Variants in CACNA1B observed in about 807,000 individuals in gnomAD.
CACNA1B encodes voltage-dependent N-type calcium channel subunit alpha-1B.
A neutral mutation model predicts 247.2 loss-of-function variants in CACNA1B; 70 were observed. The ratio of observed to expected loss-of-function variants is 0.28; its 90% CI spans 0.23 to 0.35. The LOEUF (loss-of-function observed/expected upper bound fraction) is 0.35. Among genes scored for constraint, CACNA1B ranks in the 10% least tolerant of loss-of-function variants. CACNA1B has a pLI of 1.00. For synonymous variants in CACNA1B, 1,231 were observed against 1,294.4 expected (o/e 0.95, Z 1.05); for missense variants, 2,367 against 3,197.4 (o/e 0.74, Z 6.26).
chr9:137,951,940 C>A (rs894583702), intron 6 of CACNA1B, among the ~76,000 whole-genome samples: 1 of 152,202 alleles, frequency 6.6e-6, no homozygotes, highest in Non-Finnish European at 1.5e-5. Context: ...GTTGGGTGCT[C>A]ATGCCACCTC....
intron 36 of CACNA1B, among the ~76,000 whole-genome samples, chr9:138,084,934 A>G: frequency 6.7e-6 from 1 of 149,892 alleles, no homozygotes; most frequent in South Asian, 2.1e-4. Context: ...CCTGGGTGAC[A>G]GAGCGAGACT....
At chr9:138,069,305 G>T (rs1216990539) in intron 31 of CACNA1B, among the ~76,000 whole-genome samples, 1 of 152,130 alleles carries the variant, frequency 6.6e-6, no homozygotes, top group African/African-American at 2.4e-5. Context: ...TTTAGCAAGG[G>T]CACCCAGAGA....
chr9:138,068,491 G>A (rs892596565), intron 31 of CACNA1B: 8 of 458,204 alleles, frequency 1.7e-5, no homozygotes, highest in Non-Finnish European at 2.6e-5. Flanking sequence ...CACTGGTGTT[G>A]TGTTTCCCAG....
intron 20 of CACNA1B, among the ~76,000 whole-genome samples, chr9:138,027,374 TATTA>T (rs1349138072): frequency 6.6e-6 from 1 of 152,218 alleles, no homozygotes; most frequent in African/African-American, 2.4e-5. Flanking sequence ...TCAAATTGTT[TATTA>T]GTTTCACTGA....
At position 138,059,129 on chromosome 9, in the gene CACNA1B, C is replaced by T. The variant is rs199889289; in HGVS notation, c.4524C>T (p.Ile1508=). Residue 1508 remains isoleucine (I), a synonymous_variant, in exon 30 of 47, where the codon ATC becomes ATT. Transcript: ENST00000371372. This position sits in a 1 kb window ranked among gnomAD's most constrained non-coding sequence, Gnocchi z 4.2. ...AGCTGATGCTGAAATGCCTGAACAT[C>T]GTGTTCACATCCATGTTCTCCATGG... ...EYELMLKCLN[I]VFTSMFSMEC... 84 of 1,612,846 alleles carry T rather than the reference C, an allele frequency of 5.2e-5. No homozygotes were observed. The highest frequency in any genetic ancestry group is 6.1e-5 in the Non-Finnish European group (72 of 1,179,046).
At chr9:138,063,735 G>C (rs1384542552) in intron 31 of CACNA1B, among the ~76,000 whole-genome samples, 1 of 152,194 alleles carries the variant, frequency 6.6e-6, no homozygotes, top group African/African-American at 2.4e-5. Flanking sequence ...TGGGTTATCT[G>C]GGGAGTAGTC....
intron 13 of CACNA1B, among the ~76,000 whole-genome samples, chr9:137,985,645 T>C (rs1229605422): frequency 6.6e-6 from 1 of 152,020 alleles, no homozygotes; most frequent in Non-Finnish European, 1.5e-5. Context: ...TGCCCAGGGA[T>C]AGAGTGAGCA....
rs1055985040 is a variant in CACNA1B at position 137,973,533 on chromosome 9, T to TG, written c.1543+1947dup. 1.3e-5 allele frequency among the ~76,000 whole-genome samples: 2 copies of TG among 152,278 alleles called. No individual in the cohort carries two copies. Among genetic ancestry groups the TG allele is most frequent in the African/African-American group, 4.8e-5 (2 of 41,554 alleles). Reference sequence around the variant, plus strand: ...CAGGACTTGCCATCCTGTGAGCCCCTGGGGGGCCTTATGCAGCTCACCAGA... The same window carrying TG: ...CAGGACTTGCCATCCTGTGAGCCCCTGGGGGGGCCTTATGCAGCTCACCAGA... On this transcript the variant is annotated intron_variant, in intron 11 of 46. Transcript: ENST00000371372. This position sits in a 1 kb window ranked among gnomAD's most constrained non-coding sequence, Gnocchi z 4.1.
chr9:138,031,081 T>G (rs1958982367), intron 20 of CACNA1B, among the ~76,000 whole-genome samples: 1 of 152,204 alleles, frequency 6.6e-6, no homozygotes, highest in Non-Finnish European at 1.5e-5. Flanking sequence ...TTCTTTCTGT[T>G]TGCTTTGGGC....
At chr9:138,094,505 A>G (rs1471729890) in intron 36 of CACNA1B, among the ~76,000 whole-genome samples, 1 of 151,820 alleles carries the variant, frequency 6.6e-6, no homozygotes. Flanking sequence ...CCAAATATAC[A>G]AGAGGAGGAA....
At chr9:137,938,380 T>C (rs1957694115) in intron 6 of CACNA1B, among the ~76,000 whole-genome samples, 1 of 152,114 alleles carries the variant, frequency 6.6e-6, no homozygotes. Flanking sequence ...AGGAAACAAG[T>C]AGTATGATGA....
At chr9:138,115,190 C>T (rs1017186882) in intron 41 of CACNA1B, among the ~76,000 whole-genome samples, 20 of 152,314 alleles carry the variant, frequency 1.3e-4, no homozygotes, top group Admixed American at 1.1e-3. Context: ...TCCTACCAGC[C>T]AATTCAAGGT....
At chr9:138,063,269 G>T (rs985989134) in intron 31 of CACNA1B, among the ~76,000 whole-genome samples, 1 of 152,204 alleles carries the variant, frequency 6.6e-6, no homozygotes, top group African/African-American at 2.4e-5. Flanking sequence ...AAGGTAGAAA[G>T]ATCACTTCAG....
intron 39 of CACNA1B, among the ~76,000 whole-genome samples, chr9:138,107,711 G>A (rs1025738683): frequency 2.8e-4 from 42 of 152,202 alleles, no homozygotes; most frequent in African/African-American, 9.6e-4. Context: ...ATGGCCGGGC[G>A]CAGTGGCTCA....
chr9:138,112,507 T>A lies in CACNA1B; in HGVS notation c.5536+2T>A. The A allele has an allele frequency of 6.3e-7, 1 of 1,581,872 alleles. No individual in the cohort carries two copies. Among genetic ancestry groups the A allele is most frequent in the Non-Finnish European group, 8.7e-7 (1 of 1,150,666 alleles). ...ACTTGCTGGTACCACCCCATAAGCGTAAGTGTGAGGGTGAGAAATGCCCCC... is the reference window on the plus strand; with the variant it reads ...ACTTGCTGGTACCACCCCATAAGCGAAAGTGTGAGGGTGAGAAATGCCCCC... On this transcript the variant is annotated splice_donor_variant, in intron 40 of 46. Coordinates refer to ENST00000371372, the MANE Select transcript of CACNA1B (RefSeq NM_000718.4). LOFTEE classifies it high-confidence loss of function.
intron 3 of CACNA1B, among the ~76,000 whole-genome samples, chr9:137,907,840 A>G (rs1294303743): frequency 6.6e-6 from 1 of 152,100 alleles, no homozygotes; most frequent in African/African-American, 2.4e-5. Flanking sequence ...TTCCATGCTT[A>G]GGTCTTTGAT....
Position 137,960,294 on chromosome 9 carries a change from G to A in CACNA1B, c.1333+2607G>A, listed in dbSNP as rs184240930. On this transcript the variant is annotated intron_variant, in intron 10 of 46. Transcript: ENST00000371372. ...AGAAGGGAGGTCCGGGGAGAGGGGAGGTCGGTCTGAGGGACACGGGGCGTG... is the reference window on the plus strand; with the variant it reads ...AGAAGGGAGGTCCGGGGAGAGGGGAAGTCGGTCTGAGGGACACGGGGCGTG... Among the ~76,000 whole-genome samples the A allele has an allele frequency of 8.5e-4, 129 of 151,388 alleles. No individual in the cohort carries two copies. In the East Asian group the frequency reaches 0.021, roughly 25 times the overall value.
intron 11 of CACNA1B, among the ~76,000 whole-genome samples, chr9:137,972,034 G>A (rs1037137497): frequency 6.6e-6 from 1 of 152,140 alleles, no homozygotes; most frequent in African/African-American, 2.4e-5. Context: ...TCCTGAGGGG[G>A]GAGTCCTGGC....
intron 6 of CACNA1B, among the ~76,000 whole-genome samples, chr9:137,930,778 A>G (rs1321775185): frequency 6.6e-6 from 1 of 152,076 alleles, no homozygotes; most frequent in Non-Finnish European, 1.5e-5. Flanking sequence ...TGTTGAGTAT[A>G]CACATATTTA....
Sources: gnomAD v4.1 joint callset for allele counts (sites outside exome capture counted in the v4.1 genomes callset) on GRCh38, gnomAD v4.1.1 for gene constraint, Gnocchi (gnomAD v3.1) non-coding constraint, MANE v1.5 for transcripts, NCBI Gene and HGNC (gene_info 2026-07-23, HGNC 2026-07-21) for gene names.